Variants in FRK observed in about 807,000 individuals in gnomAD.
The protein encoded by FRK is tyrosine-protein kinase FRK.
FRK carries 51 observed loss-of-function variants against 56.4 expected under a neutral mutation model. The observed-to-expected ratio is 0.90, with a 90% CI of 0.72 to 1.14. The LOEUF (loss-of-function observed/expected upper bound fraction) is 1.14. FRK is among the 50% of genes most tolerant of loss of function. FRK has a pLI of 0.00. For synonymous variants in FRK, 245 were observed against 217.9 expected (o/e 1.12, Z -1.10); for missense variants, 570 against 601.4 (o/e 0.95, Z 0.55).
chr6:116,083,816 T>A, the FRK span, among the ~76,000 whole-genome samples: 3 of 146,690 alleles, frequency 2.0e-5, no homozygotes, highest in Admixed American at 1.4e-4. Flanking sequence ...GGAGCCACCA[T>A]GCCCAGCTAA....
upstream of FRK, among the ~76,000 whole-genome samples, chr6:116,064,724 T>C (rs1041936623): frequency 4.6e-5 from 7 of 152,302 alleles, no homozygotes; most frequent in East Asian, 3.9e-4. Flanking sequence ...TATAGCAAAT[T>C]GCCACCACAT....
intron 1 of FRK, among the ~76,000 whole-genome samples, chr6:116,050,821 G>T (rs1315386208): frequency 6.6e-6 from 1 of 152,134 alleles, no homozygotes; most frequent in Non-Finnish European, 1.5e-5. Context: ...TTTCTTCAAT[G>T]ACCAGAAATG....
chr6:116,005,493 T>C (rs939283776), intron 1 of FRK, among the ~76,000 whole-genome samples: 1 of 152,216 alleles, frequency 6.6e-6, no homozygotes, highest in Non-Finnish European at 1.5e-5. Context: ...GTAAGTCTTA[T>C]AGTCATGTCT....
intron 1 of FRK, among the ~76,000 whole-genome samples, chr6:116,034,904 T>G (rs1223141870): frequency 2.0e-5 from 3 of 152,060 alleles, no homozygotes; most frequent in African/African-American, 7.2e-5. Context: ...AGGATTTGCT[T>G]CAAAATAACA....
At chr6:116,091,738 G>A in the FRK span, among the ~76,000 whole-genome samples, 1 of 152,188 alleles carries the variant, frequency 6.6e-6, no homozygotes, top group Non-Finnish European at 1.5e-5. Flanking sequence ...GGGTGTCAGG[G>A]TTTCTGGGAA....
chr6:116,094,787 AAGAGAC>A, the FRK span, among the ~76,000 whole-genome samples: 1 of 152,188 alleles, frequency 6.6e-6, no homozygotes, highest in Non-Finnish European at 1.5e-5. Flanking sequence ...AAGAGAGGGG[AAGAGAC>A]AGAGACAAAG....
At chr6:115,986,194 G>A (rs1441751808) in intron 2 of FRK, among the ~76,000 whole-genome samples, 1 of 151,890 alleles carries the variant, frequency 6.6e-6, no homozygotes, top group East Asian at 1.9e-4. Flanking sequence ...AATTGAGTAG[G>A]GGCAACCATG....
At chr6:116,097,316 T>C in the FRK span, among the ~76,000 whole-genome samples, 14 of 152,214 alleles carry the variant, frequency 9.2e-5, no homozygotes, top group Non-Finnish European at 1.9e-4. Context: ...TGAACTTTTT[T>C]CTTACCCCTT....
At chr6:115,999,802 C>A (rs955398892) in intron 2 of FRK, among the ~76,000 whole-genome samples, 2 of 152,140 alleles carry the variant, frequency 1.3e-5, no homozygotes, top group African/African-American at 4.8e-5. Context: ...ATTGAAAGTC[C>A]TTTTTCTTTC....
intron 2 of FRK, among the ~76,000 whole-genome samples, chr6:115,983,772 T>C (rs1383674724): frequency 6.6e-6 from 1 of 152,144 alleles, no homozygotes; most frequent in African/African-American, 2.4e-5. Context: ...CAGTAGCTCA[T>C]AGTCTGTTTT....
intron 1 of FRK, among the ~76,000 whole-genome samples, chr6:116,040,661 G>A (rs781018372): frequency 3.0e-4 from 45 of 151,940 alleles, no homozygotes; most frequent in Non-Finnish European, 5.1e-4. Flanking sequence ...CCCATTAATA[G>A]ATATTTGAAT....
At chr6:116,004,527 C>T (rs906605805) in intron 1 of FRK, among the ~76,000 whole-genome samples, 2 of 152,116 alleles carry the variant, frequency 1.3e-5, no homozygotes, top group African/African-American at 2.4e-5. Flanking sequence ...CCAACCCTGC[C>T]ATAAGATGAG....
chr6:115,939,858 T>C lies in FRK; in HGVS notation c.*2556A>G, dbSNP rs1394116116. On this transcript the variant is annotated 3_prime_UTR_variant, in exon 8 of 8. Coordinates refer to ENST00000606080, the MANE Select transcript of FRK (RefSeq NM_002031.3). ...CACAAATAAATGGAAAAACATTCCA[T>C]GCTCATGGATAGGAAGAATCAATAT... 6.6e-6 allele frequency: 1 copy of C among 152,252 alleles called. No individual in the cohort carries two copies. The highest frequency in any genetic ancestry group is 2.4e-5 in the African/African-American group (1 of 41,466). 9.4% of individuals were successfully genotyped at this position (152,252 alleles called of 1,614,324 possible). A position where few individuals can be genotyped will look rare whatever the true frequency, so the allele number is the denominator to read the frequency against.
chr6:115,971,660 T>G (rs1427940090), intron 2 of FRK, among the ~76,000 whole-genome samples: 2 of 152,210 alleles, frequency 1.3e-5, no homozygotes, highest in Non-Finnish European at 2.9e-5. Flanking sequence ...ACAGTCTTAC[T>G]TCCACTTAAA....
Position 115,940,428 on chromosome 6 carries a change from TCATGA to T in FRK, c.*1981_*1985del, listed in dbSNP as rs1772135195. ...CAGGACATAGGCATTGGAAAAGACA[TCATGA>T]CTAAAACACAAAAACCAATGGCAAC... On this transcript the variant is annotated 3_prime_UTR_variant, in exon 8 of 8. Coordinates refer to ENST00000606080, the MANE Select transcript of FRK (RefSeq NM_002031.3). 6.6e-6 allele frequency: 1 copy of T among 152,056 alleles called. No individual in the cohort carries two copies. The highest frequency in any genetic ancestry group is 2.4e-5 in the African/African-American group (1 of 41,396). 9.4% of individuals were successfully genotyped at this position (152,056 alleles called of 1,614,324 possible).
intron 1 of FRK, among the ~76,000 whole-genome samples, chr6:116,020,208 T>G (rs911574428): frequency 1.3e-5 from 2 of 152,154 alleles, no homozygotes; most frequent in African/African-American, 2.4e-5. Flanking sequence ...ATAAAAAAAT[T>G]TATAAAAGAC....
the FRK span, among the ~76,000 whole-genome samples, chr6:116,080,569 A>G: frequency 6.6e-6 from 1 of 152,244 alleles, no homozygotes; most frequent in South Asian, 2.1e-4. Flanking sequence ...TACCACAAGG[A>G]AAGCTACAAC....
intron 1 of FRK, among the ~76,000 whole-genome samples, chr6:116,033,370 G>C (rs771838837): frequency 6.6e-6 from 1 of 152,068 alleles, no homozygotes; most frequent in Non-Finnish European, 1.5e-5. Context: ...AAATTACTTA[G>C]GGATAATTTG....
chr6:116,027,651 T>C (rs980048976), intron 1 of FRK, among the ~76,000 whole-genome samples: 1 of 151,948 alleles, frequency 6.6e-6, no homozygotes, highest in African/African-American at 2.4e-5. Flanking sequence ...AAAAATAGCA[T>C]AAAGTAAGAA....
Sources: allele counts gnomAD v4.1 joint callset (sites outside exome capture counted in the v4.1 genomes callset), GRCh38; gene constraint gnomAD v4.1.1; transcripts MANE v1.5; gene names NCBI Gene and HGNC (gene_info 2026-07-23, HGNC 2026-07-21).